Variants in NBN observed in about 807,000 individuals in gnomAD.
The protein encoded by NBN is nibrin, also known as Nijmegen breakage syndrome 1 (nibrin).
NBN carries 88 observed loss-of-function variants against 90.8 expected under a neutral mutation model. The observed-to-expected ratio is 0.97, with a 90% CI of 0.82 to 1.16. NBN has a LOEUF of 1.16. Among genes scored for constraint, NBN ranks in the 50% most tolerant of loss-of-function variants. The pLI is 0.00. For missense variants in NBN, 894 were observed against 869.6 expected (o/e 1.03, Z -0.35); for synonymous variants, 328 against 295.1 (o/e 1.11, Z -1.14).
At chr8:89,954,746 C>T (rs931597415) in intron 10 of NBN, among the ~76,000 whole-genome samples, 6 of 152,002 alleles carry the variant, frequency 3.9e-5, no homozygotes, top group Non-Finnish European at 7.4e-5. Context: ...CTCCAAAGTT[C>T]ATACAGAAAT....
rs147842462 is a variant in NBN, at chr8:89,951,263, G to T, written c.1845+1981C>A. ...GGAGGCGGAGCTTGCAGTGAGCGGA[G>T]ATCACGCCACTGAACTCCAGCCTGG... is the stretch of plus-strand genomic sequence containing the variant. On this transcript the variant is annotated intron_variant, in intron 11 of 15. Coordinates refer to ENST00000265433, the MANE Select transcript of NBN (RefSeq NM_002485.5). 6.0e-4 allele frequency among the ~76,000 whole-genome samples: 81 copies of T among 134,014 alleles called. 2 individuals are homozygous for T. In the East Asian group the frequency reaches 0.018, roughly 30 times the overall value. 87.9% of individuals were successfully genotyped at this position (134,014 alleles called of 152,430 possible). A position where few individuals can be genotyped will look rare whatever the true frequency, so the allele number is the denominator to read the frequency against.
At chr8:89,972,469 G>A (rs184638989) in intron 5 of NBN, among the ~76,000 whole-genome samples, 14 of 152,296 alleles carry the variant, frequency 9.2e-5, no homozygotes, top group African/African-American at 1.9e-4. Context: ...CTAAACAACC[G>A]ACTTTAAAAT....
At chr8:89,981,633 C>T (rs1812074564) in intron 2 of NBN, 110 bp from the exon 3 acceptor site, 2 of 1,080,198 alleles carry the variant, frequency 1.9e-6, no homozygotes, top group South Asian at 1.4e-5. Context: ...CCTCCCAACA[C>T]GGCAGACAAC....
chr8:89,947,864 T>TCA lies in NBN; in HGVS notation c.1872_1873dup (p.Glu625ValfsTer33). 6.3e-7 allele frequency: 1 copy of TCA among 1,579,400 alleles called. No homozygotes were observed. The highest frequency in any genetic ancestry group is 8.7e-7 in the Non-Finnish European group (1 of 1,153,224). ...TGACCATAGTGAGTCTTCCTTGAGT[T>TCA]CACGTTTCTTCCCAATTTCATTTTC... On this transcript the variant is annotated frameshift_variant, in exon 12 of 16. Coordinates refer to ENST00000265433, the MANE Select transcript of NBN (RefSeq NM_002485.5). LOFTEE classifies it high-confidence loss of function.
intron 8 of NBN, 134 bp downstream of exon 8, chr8:89,964,276 G>T: frequency 1.0e-6 from 1 of 988,790 alleles, no homozygotes; most frequent in Non-Finnish European, 1.5e-6. Flanking sequence ...ATGAATAAAT[G>T]AAAGTATAAA....
chr8:89,947,848 T>G lies in NBN; in HGVS notation c.1890A>C (p.Ser630=), dbSNP rs587780778. The part of the protein sequence containing the change: ...IGKKRELKED[S]LWSAKEISNN... ...CAGATATTTCTTTAGCTGACCATAG[T>G]GAGTCTTCCTTGAGTTCACGTTTCT... Residue 630 remains serine (S), a synonymous_variant, in exon 12 of 16, where the codon TCA becomes TCC. Transcript: ENST00000265433. The G allele has an allele frequency of 3.3e-5, 52 of 1,582,442 alleles. No homozygotes were observed. Among genetic ancestry groups the G allele is most frequent in the Non-Finnish European group, 4.4e-5 (51 of 1,155,572 alleles).
At chr8:89,957,621 G>C (rs1047978163) in intron 9 of NBN, among the ~76,000 whole-genome samples, 4 of 152,078 alleles carry the variant, frequency 2.6e-5, no homozygotes, top group Non-Finnish European at 5.9e-5. Context: ...AGTCCTACAA[G>C]CTCCATTCAC....
At chr8:89,957,626 A>G (rs886655895) in intron 9 of NBN, among the ~76,000 whole-genome samples, 3 of 152,188 alleles carry the variant, frequency 2.0e-5, no homozygotes, top group Non-Finnish European at 4.4e-5. Context: ...TACAAGCTCC[A>G]TTCACGGTAA....
chr8:89,979,854 T>C (rs1811970741), intron 4 of NBN, among the ~76,000 whole-genome samples: 1 of 152,222 alleles, frequency 6.6e-6, no homozygotes, highest in Non-Finnish European at 1.5e-5. Flanking sequence ...TAACTACCTT[T>C]GATTGTATTT....
At chr8:89,936,981 T>C in intron 15 of NBN, 45 bp downstream of exon 15, 2 of 1,459,112 alleles carry the variant, frequency 1.4e-6, no homozygotes, top group Non-Finnish European at 1.9e-6. Context: ...CTAAATTTTA[T>C]ATACATCTCT....
At chr8:89,972,670 C>A (rs1811571296) in intron 5 of NBN, among the ~76,000 whole-genome samples, 1 of 152,174 alleles carries the variant, frequency 6.6e-6, no homozygotes, top group South Asian at 2.1e-4. Context: ...ATAACTTATA[C>A]TTCTTTCTTA....
rs374727437 is a variant in NBN, at chr8:89,938,478, G to GTA, written c.2185-1405_2185-1404dup. Among the ~76,000 whole-genome samples the GTA allele has an allele frequency of 3.6e-4, 55 of 151,278 alleles. No individual in the cohort carries two copies. In the South Asian group the frequency reaches 4.8e-3, roughly 13 times the overall value. On this transcript the variant is annotated intron_variant, in intron 14 of 15. Coordinates refer to ENST00000265433, the MANE Select transcript of NBN (RefSeq NM_002485.5). ...TCTCTCTCTCTATATGTGTGTGTGT[G>GTA]TATATATATATATGAAATCTCACTT... is the stretch of plus-strand genomic sequence containing the variant.
intron 10 of NBN, 42 bp downstream of exon 10, chr8:89,955,240 CA>C (rs753178931): frequency 2.3e-5 from 36 of 1,564,540 alleles, no homozygotes; most frequent in Admixed American, 8.4e-5. Flanking sequence ...AAAAAACTTT[CA>C]TTTTTTTTTC....
chr8:89,957,307 C>A (rs11784904), intron 9 of NBN, among the ~76,000 whole-genome samples: 37,588 of 151,922 alleles, frequency 0.25, 5,286 homozygotes, highest in East Asian at 0.4. Flanking sequence ...TTGTTTTTAA[C>A]AAAAGTTTAA....
chr8:89,965,101 G>A (rs183997215), intron 7 of NBN, among the ~76,000 whole-genome samples: 80 of 151,406 alleles, frequency 5.3e-4, no homozygotes, highest in African/African-American at 1.3e-3. Flanking sequence ...ATGACAAAGC[G>A]AGACTCCGTC....
At position 89,953,435 on chromosome 8, in the gene NBN, C is replaced by G. The variant is rs1064793213; in HGVS notation, c.1654G>C (p.Glu552Gln). ...TCTTCTATGGCCACATCATCCATTT[C>G]CCTTTTTTTATTTGATCTTAGCTTT... ...AEKLRSNKKR[E>Q]MDDVAIEDEV... Residue 552 changes from glutamate (E) to glutamine (Q), a missense_variant, in exon 11 of 16, where the codon GAA (glutamate) becomes CAA (glutamine). Glu to Gln is a conservative substitution (Grantham distance 29). Transcript: ENST00000265433. 1.9e-6 allele frequency: 3 copies of G among 1,613,812 alleles called. No homozygotes were observed. The highest frequency in any genetic ancestry group is 1.1e-5 in the South Asian group (1 of 91,066).
intron 5 of NBN, among the ~76,000 whole-genome samples, chr8:89,974,059 C>A (rs1021708763): frequency 1.3e-5 from 2 of 151,918 alleles, no homozygotes; most frequent in Non-Finnish European, 2.9e-5. Flanking sequence ...TTCATCTAAC[C>A]TACAGTATAT....
intron 9 of NBN, among the ~76,000 whole-genome samples, chr8:89,956,856 G>T (rs190999414): frequency 6.6e-6 from 1 of 152,214 alleles, no homozygotes; most frequent in East Asian, 1.9e-4. Flanking sequence ...TATGATGCTG[G>T]TCCCATAAGA....
intron 10 of NBN, among the ~76,000 whole-genome samples, chr8:89,954,968 GGAGT>G (rs1810628161): frequency 1.3e-5 from 2 of 152,112 alleles, no homozygotes; most frequent in Admixed American, 1.3e-4. Flanking sequence ...GGTCCTAGAG[GGAGT>G]GAGAGCGGTT....
Sources: allele counts gnomAD v4.1 joint callset (sites outside exome capture counted in the v4.1 genomes callset), GRCh38; gene constraint gnomAD v4.1.1; transcripts MANE v1.5; gene names NCBI Gene and HGNC (gene_info 2026-07-23, HGNC 2026-07-21).